Variants in UBE4B observed in about 807,000 individuals in gnomAD.
UBE4B encodes ubiquitin conjugation factor E4 B.
A neutral mutation model predicts 148.1 loss-of-function variants in UBE4B; 27 were observed. That is an observed-to-expected ratio of 0.18 (90% confidence interval 0.13 to 0.25). The LOEUF is 0.25. Among genes scored for constraint, UBE4B ranks in the 10% least tolerant of loss-of-function variants. The probability of loss-of-function intolerance (pLI) is 1.00; values close to 1 mark genes in which losing one functional copy is unlikely to be tolerated. For synonymous variants in UBE4B, 596 were observed against 619.3 expected (o/e 0.96, Z 0.56); for missense variants, 1,170 against 1,662.4 (o/e 0.70, Z 5.15).
chr1:10,130,781 C>A lies in UBE4B; in HGVS notation c.1879C>A (p.Gln627Lys). 1 of 1,614,128 alleles carries A rather than the reference C, an allele frequency of 6.2e-7. No individual in the cohort carries two copies. The highest frequency in any genetic ancestry group is 8.5e-7 in the Non-Finnish European group (1 of 1,180,022). Reference protein sequence around the residue: ...ITLENTRVVSQSLQHYLELGR... With the variant: ...ITLENTRVVSKSLQHYLELGR... Reference sequence around the variant, plus strand: ...CCTGGAAAACACTCGTGTGGTTAGCCAATCATTGCAGCATTACTTAGAGCT... The same window carrying A: ...CCTGGAAAACACTCGTGTGGTTAGCAAATCATTGCAGCATTACTTAGAGCT... The change falls in exon 14 of 28, where the codon CAA (glutamine) becomes AAA (lysine). Residue 627 changes from glutamine to lysine, a missense_variant. By Grantham distance (53) the Gln-to-Lys change is moderately conservative. Coordinates refer to ENST00000343090, the MANE Select transcript of UBE4B (RefSeq NM_001105562.3).
chr1:10,155,153 A>G (rs548968803), intron 21 of UBE4B, among the ~76,000 whole-genome samples: 2 of 151,976 alleles, frequency 1.3e-5, no homozygotes, highest in Non-Finnish European at 2.9e-5. Context: ...CCTGTTGCCT[A>G]TAAGACGAGT....
intron 21 of UBE4B, among the ~76,000 whole-genome samples, chr1:10,153,370 G>A (rs987458053): frequency 1.3e-5 from 2 of 151,284 alleles, no homozygotes; most frequent in African/African-American, 2.4e-5. Flanking sequence ...GATGCCTGTT[G>A]TCCCAGCTAC....
At chr1:10,064,645 C>T (rs1231799649) in intron 1 of UBE4B, among the ~76,000 whole-genome samples, 1 of 152,088 alleles carries the variant, frequency 6.6e-6, no homozygotes, top group Non-Finnish European at 1.5e-5. Flanking sequence ...CTTCCTTTTC[C>T]TCTCTCAACA....
At chr1:10,147,255 G>A (rs1156646102) in intron 19 of UBE4B, among the ~76,000 whole-genome samples, 165 bp downstream of exon 19, 2 of 152,128 alleles carry the variant, frequency 1.3e-5, no homozygotes, top group African/African-American at 4.8e-5. Context: ...CTTTGGGGGA[G>A]GCTGAGGCAG....
chr1:10,173,341 G>A (rs1303654934), intron 25 of UBE4B, among the ~76,000 whole-genome samples: 2 of 151,868 alleles, frequency 1.3e-5, no homozygotes, highest in African/African-American at 4.8e-5. Flanking sequence ...AATTAGCCGG[G>A]CGTGGTGGCG....
intron 2 of UBE4B, among the ~76,000 whole-genome samples, chr1:10,078,603 TTA>T (rs1450235740): frequency 3.3e-5 from 5 of 152,236 alleles, no homozygotes; most frequent in Non-Finnish European, 7.3e-5. Context: ...TGTTTTGGAA[TTA>T]TGCTTGTCTT....
At position 10,135,137 on chromosome 1, in the gene UBE4B, G is replaced by A. The variant is rs146689339; in HGVS notation, c.2175G>A (p.Thr725=). ...RCRITLPNDE[T]RVNATMEDVN... is the part of the protein sequence containing the mutation. ...GGATTACTCTTCCCAATGATGAGACGCGTGTGAATGCAACGATGGAAGATG... is the reference window on the plus strand; with the variant it reads ...GGATTACTCTTCCCAATGATGAGACACGTGTGAATGCAACGATGGAAGATG... The change falls in exon 16 of 28, where the codon ACG becomes ACA. Residue 725 remains threonine, a synonymous_variant. Coordinates refer to ENST00000343090, the MANE Select transcript of UBE4B (RefSeq NM_001105562.3). 482 of 1,613,794 alleles carry A rather than the reference G, an allele frequency of 3.0e-4. No homozygotes were observed. Among genetic ancestry groups the A allele is most frequent in the Non-Finnish European group, 3.8e-4 (448 of 1,179,958 alleles).
intron 2 of UBE4B, among the ~76,000 whole-genome samples, chr1:10,083,365 C>A (rs1644714795): frequency 6.6e-6 from 1 of 152,124 alleles, no homozygotes; most frequent in Non-Finnish European, 1.5e-5. Flanking sequence ...GAGCAGTCAT[C>A]TTCAATTTCC....
At chr1:10,066,034 T>TC (rs1335325370) in intron 1 of UBE4B, among the ~76,000 whole-genome samples, 9 of 50,304 alleles carry the variant, frequency 1.8e-4, no homozygotes, top group East Asian at 5.6e-4. Flanking sequence ...CCTCCCTCCC[T>TC]CCCCCCCTCC....
At chr1:10,046,907 A>G (rs997773406) in intron 1 of UBE4B, among the ~76,000 whole-genome samples, 4 of 152,334 alleles carry the variant, frequency 2.6e-5, no homozygotes, top group South Asian at 4.1e-4. Context: ...CGAATTGGCA[A>G]GCTTTGGCTT....
intron 20 of UBE4B, among the ~76,000 whole-genome samples, chr1:10,150,951 G>A (rs1356076757): frequency 6.9e-6 from 1 of 145,190 alleles, no homozygotes; most frequent in African/African-American, 2.6e-5. Flanking sequence ...CACGAGGTCA[G>A]GAGATCGAGA....
intron 2 of UBE4B, among the ~76,000 whole-genome samples, chr1:10,080,016 T>C (rs372288467): frequency 2.6e-4 from 39 of 152,316 alleles, no homozygotes; most frequent in African/African-American, 9.1e-4. Context: ...GAGGTGCAGA[T>C]GCTGGTGTCC....
intron 10 of UBE4B, among the ~76,000 whole-genome samples, chr1:10,124,898 GGTGGATCGCCTGAGCTCA>G: frequency 6.6e-6 from 1 of 152,116 alleles, no homozygotes. Flanking sequence ...GGCCGAGGCA[GGTGGATCGCCTGAGCTCA>G]GGAGTTCGAG....
intron 1 of UBE4B, among the ~76,000 whole-genome samples, chr1:10,051,593 A>C (rs916750632): frequency 2.0e-5 from 3 of 152,136 alleles, no homozygotes; most frequent in Admixed American, 6.6e-5. Flanking sequence ...TTTTGTATTG[A>C]GCCACACTGC....
At chr1:10,080,879 A>AGT (rs1420207077) in intron 2 of UBE4B, among the ~76,000 whole-genome samples, 1 of 152,194 alleles carries the variant, frequency 6.6e-6, no homozygotes, top group Non-Finnish European at 1.5e-5. Flanking sequence ...ACAAATAGAC[A>AGT]GTAGATGGTG....
chr1:10,148,939 CAG>C (rs1645926443), intron 19 of UBE4B, among the ~76,000 whole-genome samples: 2 of 152,106 alleles, frequency 1.3e-5, no homozygotes, highest in South Asian at 2.1e-4. Context: ...GACTCCATCT[CAG>C]GGGAGAAAAA....
chr1:10,113,208 A>AGAG (rs1645249866), intron 7 of UBE4B, among the ~76,000 whole-genome samples: 1 of 152,170 alleles, frequency 6.6e-6, no homozygotes, highest in Admixed American at 6.6e-5. Context: ...GGAGCAACAG[A>AGAG]GAGGAGGAGG....
intron 1 of UBE4B, among the ~76,000 whole-genome samples, chr1:10,062,973 A>T (rs534313605): frequency 1.3e-5 from 2 of 151,380 alleles, no homozygotes; most frequent in Admixed American, 1.3e-4. Flanking sequence ...AAAAAAAAAG[A>T]AAAAGAAAAT....
At chr1:10,083,965 A>G (rs1033635249) in intron 2 of UBE4B, among the ~76,000 whole-genome samples, 2 of 152,098 alleles carry the variant, frequency 1.3e-5, no homozygotes, top group East Asian at 1.9e-4. Context: ...CTGGGAATCA[A>G]TACACTTCCT....
Sources: allele counts gnomAD v4.1 joint callset (sites outside exome capture counted in the v4.1 genomes callset), GRCh38; gene constraint gnomAD v4.1.1; transcripts MANE v1.5; gene names NCBI Gene and HGNC (gene_info 2026-07-23, HGNC 2026-07-21).